Variants in AHR observed in about 807,000 individuals in gnomAD.
AHR encodes the protein AH-receptor.
AHR carries 40 observed loss-of-function variants against 86.8 expected under a neutral mutation model. The observed-to-expected ratio is 0.46, with a 90% CI of 0.36 to 0.60. The LOEUF (loss-of-function observed/expected upper bound fraction) is 0.60. AHR is among the 20% of genes least tolerant of loss of function. AHR has a pLI of 0.00. For missense variants in AHR, 1,001 were observed against 1,011.6 expected, an observed-to-expected ratio of 0.99 and a Z score of 0.14; for synonymous variants, 398 against 354.9, an observed-to-expected ratio of 1.12 and a Z score of -1.37.
chr7:17,337,995 C>G (rs972117837), intron 9 of AHR, among the ~76,000 whole-genome samples: 24 of 150,768 alleles, frequency 1.6e-4, no homozygotes, highest in African/African-American at 5.3e-4. Context: ...GTCAGGAGAT[C>G]GAGACCATCC....
intron 1 of AHR, among the ~76,000 whole-genome samples, chr7:17,300,635 A>G (rs938005946): frequency 1.3e-5 from 2 of 152,208 alleles, no homozygotes; most frequent in Non-Finnish European, 1.5e-5. Flanking sequence ...AATATTGTCA[A>G]ACCAGCAGTT....
At chr7:17,323,591 T>A (rs896194508) in intron 3 of AHR, among the ~76,000 whole-genome samples, 1 of 152,112 alleles carries the variant, frequency 6.6e-6, no homozygotes, top group African/African-American at 2.4e-5. Context: ...TCATTATCAG[T>A]TTCACCCACT....
chr7:17,318,029 A>G (rs1782133568), intron 2 of AHR, among the ~76,000 whole-genome samples: 1 of 152,116 alleles, frequency 6.6e-6, no homozygotes, highest in African/African-American at 2.4e-5. Context: ...GATAGAACAA[A>G]CTTTTAAGGA....
At chr7:17,332,646 C>T (rs2115365534) in intron 6 of AHR, among the ~76,000 whole-genome samples, 1 of 152,056 alleles carries the variant, frequency 6.6e-6, no homozygotes, top group Middle Eastern at 3.4e-3. Context: ...TATGGCTGTA[C>T]ACTGTGTTTA....
At chr7:17,327,379 A>G (rs1401968197) in intron 3 of AHR, among the ~76,000 whole-genome samples, 1 of 152,014 alleles carries the variant, frequency 6.6e-6, no homozygotes, top group Non-Finnish European at 1.5e-5. Context: ...CAGTTTAAGA[A>G]TCTAATCAAC....
At chr7:17,301,444 A>G (rs1049620494) in intron 1 of AHR, among the ~76,000 whole-genome samples, 2 of 152,074 alleles carry the variant, frequency 1.3e-5, no homozygotes, top group African/African-American at 4.8e-5. Flanking sequence ...TTTTGAGCTG[A>G]AAATGCTATC....
At chr7:17,305,847 T>G (rs1439566923) in intron 1 of AHR, among the ~76,000 whole-genome samples, 1 of 152,132 alleles carries the variant, frequency 6.6e-6, no homozygotes, top group Non-Finnish European at 1.5e-5. Context: ...TAGACTTTTT[T>G]GATGGAGATG....
chr7:17,300,916 T>C (rs533491305), intron 1 of AHR, among the ~76,000 whole-genome samples: 1 of 152,092 alleles, frequency 6.6e-6, no homozygotes, highest in Non-Finnish European at 1.5e-5. Flanking sequence ...TAGGGTGTTA[T>C]CAAAGGACCT....
chr7:17,321,400 G>A (rs946975299), intron 2 of AHR, among the ~76,000 whole-genome samples: 6 of 151,852 alleles, frequency 4.0e-5, no homozygotes, highest in Non-Finnish European at 8.8e-5. Flanking sequence ...TTAGGAGACA[G>A]GCTCAAATAA....
At chr7:17,309,799 A>C in intron 1 of AHR, 137 bp from the exon 2 acceptor site, 2 of 687,292 alleles carry the variant, frequency 2.9e-6, no homozygotes, top group Non-Finnish European at 4.4e-6. Flanking sequence ...AGATTTTAGA[A>C]AGACTTACGT....
chr7:17,341,946 A>G (rs1584044743), intron 10 of AHR, among the ~76,000 whole-genome samples: 1 of 152,268 alleles, frequency 6.6e-6, no homozygotes, highest in East Asian at 1.9e-4. Context: ...TAAACTCACC[A>G]TTATCTGGCC....
intron 6 of AHR, among the ~76,000 whole-genome samples, chr7:17,331,362 AC>A (rs1426334632): frequency 2.0e-5 from 3 of 151,962 alleles, no homozygotes; most frequent in African/African-American, 4.8e-5. Context: ...AAAATCTGCT[AC>A]CAAATAATTT....
chr7:17,340,061 GA>G lies in AHR; in HGVS notation c.2240del (p.Asn747ThrfsTer6). The part of the protein sequence containing the change: ...EDFVTCLQLP[E>X]NQKHGLNPQS... ...TTTTGTCACTTGTTTACAACTTCCTGAAAACCAAAAGCATGGATTAAATCCA... is the reference window on the plus strand; with the variant it reads ...TTTTGTCACTTGTTTACAACTTCCTGAAACCAAAAGCATGGATTAAATCCA... On this transcript the variant is annotated frameshift_variant, in exon 10 of 11. Coordinates refer to ENST00000242057, the MANE Select transcript of AHR (RefSeq NM_001621.5). 1 of 1,614,116 alleles carries G rather than the reference GA, an allele frequency of 6.2e-7. No homozygotes were observed.
intron 1 of AHR, among the ~76,000 whole-genome samples, chr7:17,306,119 A>G (rs977256138): frequency 1.5e-4 from 23 of 152,084 alleles, no homozygotes; most frequent in African/African-American, 5.3e-4. Context: ...CCCAAATCCA[A>G]TCTTACAGGG....
At chr7:17,300,672 G>T (rs896528451) in intron 1 of AHR, among the ~76,000 whole-genome samples, 1 of 152,110 alleles carries the variant, frequency 6.6e-6, no homozygotes, top group Non-Finnish European at 1.5e-5. Flanking sequence ...TGAGACATCG[G>T]TTATTAATAC....
intron 9 of AHR, among the ~76,000 whole-genome samples, chr7:17,337,689 A>G (rs1364243648): frequency 6.6e-6 from 1 of 150,552 alleles, no homozygotes; most frequent in Non-Finnish European, 1.5e-5. Flanking sequence ...TTTAGCCAGG[A>G]TGGTCTCAAT....
rs1224448623 is a variant in AHR, at chr7:17,342,820, C to T, written c.2404-101C>T. On this transcript the variant is annotated intron_variant, in intron 10 of 10. Transcript: ENST00000242057. Reference sequence around the variant, plus strand: ...GTAAAGGAACTTGAAGTTTACAACTCTCAGGGGTAAGATTTTAAAAATACA... The same window carrying T: ...GTAAAGGAACTTGAAGTTTACAACTTTCAGGGGTAAGATTTTAAAAATACA... 6.8e-6 allele frequency: 8 copies of T among 1,178,838 alleles called. 1 individual carries two copies. Among genetic ancestry groups the T allele is most frequent in the Non-Finnish European group, 9.6e-6 (8 of 834,814 alleles). 73.0% of individuals were successfully genotyped at this position (1,178,838 alleles called of 1,614,324 possible).
At chr7:17,301,455 C>G (rs922115793) in intron 1 of AHR, among the ~76,000 whole-genome samples, 1 of 151,936 alleles carries the variant, frequency 6.6e-6, no homozygotes, top group African/African-American at 2.4e-5. Context: ...AAATGCTATC[C>G]AGACCTACTT....
intron 1 of AHR, among the ~76,000 whole-genome samples, chr7:17,303,328 T>C (rs1408605354): frequency 6.6e-6 from 1 of 152,108 alleles, no homozygotes; most frequent in Non-Finnish European, 1.5e-5. Flanking sequence ...GTCTTTTTGC[T>C]TCAAAGCTTG....
Sources: gnomAD v4.1 joint callset for allele counts (sites outside exome capture counted in the v4.1 genomes callset) on GRCh38, gnomAD v4.1.1 for gene constraint, MANE v1.5 for transcripts, NCBI Gene and HGNC (gene_info 2026-07-23, HGNC 2026-07-21) for gene names.